Variants in ABCA8 observed in about 807,000 individuals in gnomAD.
ABCA8 encodes the protein ABC-type organic anion transporter ABCA8.
ABCA8 carries 177 observed loss-of-function variants against 192.3 expected under a neutral mutation model. That is an observed-to-expected ratio of 0.92 (90% CI 0.81 to 1.04). ABCA8 has a LOEUF of 1.04. ABCA8 is among the 50% of genes least tolerant of loss of function. The probability of loss-of-function intolerance (pLI) is 0.00; values close to 1 mark genes in which losing one functional copy is unlikely to be tolerated. For missense variants in ABCA8, 1,915 were observed against 1,904.8 expected, an observed-to-expected ratio of 1.01 and a Z score of -0.10; for synonymous variants, 642 against 690.2, an observed-to-expected ratio of 0.93 and a Z score of 1.09.
chr17:68,870,146 G>C (rs972298766), intron 37 of ABCA8, among the ~76,000 whole-genome samples: 1 of 152,144 alleles, frequency 6.6e-6, no homozygotes, highest in South Asian at 2.1e-4. Flanking sequence ...CCCTGACCCT[G>C]TGCCAAATTC....
Position 68,924,878 on chromosome 17 carries a change from C to G in ABCA8, c.1274-9G>C, listed in dbSNP as rs1398020416. The G allele has an allele frequency of 6.2e-7, 1 of 1,612,134 alleles. No homozygotes were observed. Among genetic ancestry groups the G allele is most frequent in the Admixed American group, 1.7e-5 (1 of 59,720 alleles). On this transcript the variant is annotated splice_polypyrimidine_tract_variant and intron_variant, in intron 10 of 39. Coordinates refer to ENST00000586539, the MANE Select transcript of ABCA8 (RefSeq NM_001288985.2). ...TCGATGTCCATATTCATCTACATGG[C>G]CAGAAGACAATTAAATATTGGGTCA...
intron 11 of ABCA8, 72 bp from the exon 12 acceptor site, chr17:68,922,372 T>C: frequency 9.4e-7 from 1 of 1,061,570 alleles, no homozygotes; most frequent in Non-Finnish European, 1.3e-6. Context: ...GTAGACAGGA[T>C]TGGATAAATC....
intron 24 of ABCA8, 149 bp downstream of exon 24, chr17:68,891,340 T>G (rs374555655): frequency 2.9e-5 from 16 of 545,142 alleles, no homozygotes; most frequent in African/African-American, 2.1e-4. Context: ...TTTCAACTTA[T>G]AAAACTTTCT....
intron 2 of ABCA8, 44 bp downstream of exon 2, chr17:68,949,268 G>C (rs2068502369): frequency 6.6e-6 from 1 of 152,052 alleles, no homozygotes; most frequent in Admixed American, 6.6e-5. Context: ...CCCTGAATAG[G>C]CTGATAACAA....
At position 68,877,672 on chromosome 17, in the gene ABCA8, A is replaced by G. The variant is rs375887340; in HGVS notation, c.4046T>C (p.Leu1349Pro). Residue 1349 changes from leucine (L) to proline (P), a missense_variant, in exon 33 of 40, where the codon CTG becomes CCG. Transcript: ENST00000586539. Reference protein sequence around the residue: ...DTKPTAGQVLLKGSGGGDALE... With the variant: ...DTKPTAGQVLPKGSGGGDALE... The stretch of plus-strand genomic sequence containing the variant: ...GGCATCCCCTCCACCGCTCCCTTTC[A>G]GTAGCACCTGCAGATGAAAGTTCCC... 1 of 1,609,896 alleles carries G rather than the reference A, an allele frequency of 6.2e-7. No individual in the cohort carries two copies. The highest frequency in any genetic ancestry group is 1.3e-5 in the African/African-American group (1 of 74,788).
chr17:68,905,107 G>C (rs1427176338), intron 19 of ABCA8, among the ~76,000 whole-genome samples: 2 of 152,244 alleles, frequency 1.3e-5, no homozygotes, highest in Non-Finnish European at 2.9e-5. Flanking sequence ...CCAGGCACTT[G>C]CCAAATACAA....
In ABCA8 at chr17:68,922,239, T is replaced by TTTTTTTTTTTTTTA. The variant is rs2067562743; in HGVS notation, c.1501+2_1501+3insTAAAAAAAAAAAAA. On this transcript the variant is annotated splice_region_variant and intron_variant, in intron 12 of 39. Transcript: ENST00000586539. ...TTTTTTTTTTTTTTTTTTTTTTTTT[T>TTTTTTTTTTTTTTA]ACCTTTCAAGGCTTCTATTTTATCA... The TTTTTTTTTTTTTTA allele has an allele frequency of 2.0e-6, 1 of 501,908 alleles. No homozygotes were observed. Among genetic ancestry groups the TTTTTTTTTTTTTTA allele is most frequent in the Non-Finnish European group, 3.0e-6 (1 of 336,936 alleles). The allele number at this position is 501,908 out of a possible 1,614,324, so 31.1% of individuals were successfully genotyped here.
At position 68,906,104 on chromosome 17, in the gene ABCA8, T is replaced by C. The variant is rs374615527; in HGVS notation, c.2338A>G (p.Met780Val). The change falls in exon 19 of 40, where the codon ATG (methionine) becomes GTG (valine). Residue 780 changes from methionine (M) to valine (V), a missense_variant. Physicochemically the swap from Met to Val is conservative, Grantham distance 21. Coordinates refer to ENST00000586539, the MANE Select transcript of ABCA8 (RefSeq NM_001288985.2). ...DLGIENYGVS[M>V]TTLNEVFLKL... ...AGGAATACTTCATTCAAAGTTGTCATGGAAACACCATAATTCTCAATTCCT... is the reference window on the plus strand; with the variant it reads ...AGGAATACTTCATTCAAAGTTGTCACGGAAACACCATAATTCTCAATTCCT... 1 of 1,601,040 alleles carries C rather than the reference T, an allele frequency of 6.2e-7. No individual in the cohort carries two copies. Among genetic ancestry groups the C allele is most frequent in the African/African-American group, 1.3e-5 (1 of 74,708 alleles).
chr17:68,929,503 GAAAC>G (rs2067798699), intron 8 of ABCA8, 54 bp downstream of exon 8: 1 of 1,554,514 alleles, frequency 6.4e-7, no homozygotes, highest in Non-Finnish European at 8.7e-7. Context: ...TAATCAGTCG[GAAAC>G]AAACAATTTT....
At chr17:68,895,635 A>G (rs2066731630) in intron 21 of ABCA8, among the ~76,000 whole-genome samples, 1 of 152,152 alleles carries the variant, frequency 6.6e-6, no homozygotes. Context: ...TCCTTCCCAG[A>G]TCTGTGTAAT....
intron 17 of ABCA8, among the ~76,000 whole-genome samples, chr17:68,908,564 T>C (rs1415441882): frequency 1.3e-5 from 2 of 152,220 alleles, no homozygotes; most frequent in African/African-American, 4.8e-5. Flanking sequence ...AACTGGATTA[T>C]AGATAGAAAC....
intron 2 of ABCA8, among the ~76,000 whole-genome samples, chr17:68,946,698 G>T (rs2068419369): frequency 1.3e-5 from 2 of 152,132 alleles, no homozygotes; most frequent in Non-Finnish European, 2.9e-5. Flanking sequence ...CAGCAGTTTG[G>T]GAGGCTGAGG....
chr17:68,933,583 G>T (rs1240305096), intron 5 of ABCA8, among the ~76,000 whole-genome samples: 1 of 152,036 alleles, frequency 6.6e-6, no homozygotes, highest in African/African-American at 2.4e-5. Context: ...TTTCTGATTT[G>T]TATTGTGAAA....
intron 17 of ABCA8, among the ~76,000 whole-genome samples, chr17:68,912,188 T>C (rs1299803419): frequency 6.6e-6 from 1 of 152,126 alleles, no homozygotes; most frequent in African/African-American, 2.4e-5. Context: ...AAATAGTTGT[T>C]TTGAGGAAGT....
chr17:68,916,304 A>T (rs2067360902), intron 17 of ABCA8, among the ~76,000 whole-genome samples: 2 of 152,106 alleles, frequency 1.3e-5, no homozygotes, highest in South Asian at 2.1e-4. Context: ...TATTAATATG[A>T]CTATACAGAC....
chr17:68,900,082 A>G (rs1386823879), intron 21 of ABCA8, among the ~76,000 whole-genome samples: 1 of 152,112 alleles, frequency 6.6e-6, no homozygotes, highest in East Asian at 1.9e-4. Flanking sequence ...AGGCAAACAG[A>G]AAGAAATGAA....
At position 68,922,224 on chromosome 17, in the gene ABCA8, T is replaced by TACA; in HGVS notation, c.1501+17_1501+18insTGT. 1 of 274,040 alleles carries TACA rather than the reference T, an allele frequency of 3.6e-6. No individual in the cohort carries two copies. The highest frequency in any genetic ancestry group is 5.5e-6 in the Non-Finnish European group (1 of 183,014). The allele number at this position is 274,040 out of a possible 1,614,324, so 17.0% of individuals were successfully genotyped here. A position where few individuals can be genotyped will look rare whatever the true frequency, so the allele number is the denominator to read the frequency against. On this transcript the variant is annotated intron_variant, in intron 12 of 39. Coordinates refer to ENST00000586539, the MANE Select transcript of ABCA8 (RefSeq NM_001288985.2). ...TTTTTTTTTTTTTTTTTTTTTTTTT[T>TACA]TTTTTTTTTTTTTTTACCTTTCAAG...
At chr17:68,932,664 G>T in intron 6 of ABCA8, 150 bp from the exon 7 acceptor site, 1 of 611,746 alleles carries the variant, frequency 1.6e-6, no homozygotes, top group Non-Finnish European at 2.9e-6. Context: ...TCATTGACCT[G>T]CTGGGACCTC....
rs533254954 is a variant in ABCA8, at chr17:68,909,040, C to T, written c.2139-1161G>A. 2.6e-5 allele frequency among the ~76,000 whole-genome samples: 4 copies of T among 152,274 alleles called. No individual in the cohort carries two copies. The South Asian group carries it at 8.3e-4, about 32-fold the overall frequency. ...ATTTTTTTAGAAGTAGTGAAATCCA[C>T]TGGAAGAGTGAAGCAAAAAATGTCG... On this transcript the variant is annotated intron_variant, in intron 17 of 39. Coordinates refer to ENST00000586539, the MANE Select transcript of ABCA8 (RefSeq NM_001288985.2).
Sources: gnomAD v4.1 joint callset for allele counts (sites outside exome capture counted in the v4.1 genomes callset) on GRCh38, gnomAD v4.1.1 for gene constraint, MANE v1.5 for transcripts, NCBI Gene and HGNC (gene_info 2026-07-23, HGNC 2026-07-21) for gene names.